Variants in SGCZ observed in about 807,000 individuals in gnomAD.
The protein encoded by SGCZ is sarcoglycan zeta.
Under a neutral mutation model 41.3 loss-of-function variants are expected in SGCZ, and 40 were observed. That is an observed-to-expected ratio of 0.97 (90% CI 0.75 to 1.26). SGCZ has a LOEUF of 1.26. Ranked by LOEUF, SGCZ falls within the 50% of genes most tolerant of loss-of-function variation. SGCZ has a pLI of 0.00. For missense variants in SGCZ, 552 were observed against 369.8 expected (o/e 1.49, Z -4.04); for synonymous variants, 206 against 137.5 (o/e 1.50, Z -3.49).
chr8:14,680,038 G>A (rs1312823872), intron 1 of SGCZ, among the ~76,000 whole-genome samples: 3 of 152,024 alleles, frequency 2.0e-5, no homozygotes, highest in East Asian at 1.9e-4. Context: ...CTAGGTTTAA[G>A]TATTTTCCAT....
intron 2 of SGCZ, among the ~76,000 whole-genome samples, chr8:14,413,783 A>G (rs999903635): frequency 6.6e-6 from 1 of 152,006 alleles, no homozygotes; most frequent in African/African-American, 2.4e-5. Flanking sequence ...TCTAACGAAG[A>G]GTCTGTTTTA....
chr8:14,889,919 T>C (rs1804948432), intron 1 of SGCZ, among the ~76,000 whole-genome samples: 1 of 152,040 alleles, frequency 6.6e-6, no homozygotes, highest in South Asian at 2.1e-4. Context: ...CTAGAAATGA[T>C]TAAGCCTTAT....
At chr8:14,494,944 A>C (rs1801948030) in intron 2 of SGCZ, among the ~76,000 whole-genome samples, 1 of 152,302 alleles carries the variant, frequency 6.6e-6, no homozygotes, top group Middle Eastern at 3.4e-3. Flanking sequence ...GTTCCTTGTC[A>C]CTTTTTCCCA....
intron 5 of SGCZ, among the ~76,000 whole-genome samples, chr8:14,134,708 C>T (rs994795086): frequency 9.9e-5 from 15 of 152,098 alleles, no homozygotes; most frequent in African/African-American, 3.6e-4. Context: ...CTCAGCCTAT[C>T]TGTATAGGCT....
intron 4 of SGCZ, among the ~76,000 whole-genome samples, chr8:14,215,699 T>C (rs1805970354): frequency 6.6e-6 from 1 of 152,148 alleles, no homozygotes; most frequent in Non-Finnish European, 1.5e-5. Context: ...TAATAAGATA[T>C]CATAAATAAG....
intron 1 of SGCZ, among the ~76,000 whole-genome samples, chr8:14,823,457 A>G (rs1213714612): frequency 6.6e-6 from 1 of 152,226 alleles, no homozygotes; most frequent in African/African-American, 2.4e-5. Context: ...TACATAAGAA[A>G]GGCCAACAGA....
At chr8:14,616,397 C>G (rs1806107478) in intron 1 of SGCZ, among the ~76,000 whole-genome samples, 1 of 152,016 alleles carries the variant, frequency 6.6e-6, no homozygotes, top group South Asian at 2.1e-4. Context: ...CTTTGGTTCT[C>G]TAAAGCTTAA....
At chr8:14,586,211 G>C (rs528778723) in intron 1 of SGCZ, among the ~76,000 whole-genome samples, 1 of 151,976 alleles carries the variant, frequency 6.6e-6, no homozygotes, top group South Asian at 2.1e-4. Flanking sequence ...TTGGGTTTTT[G>C]TTTGTTTTGT....
At chr8:14,275,514 C>T (rs1800199123) in intron 3 of SGCZ, among the ~76,000 whole-genome samples, 1 of 152,116 alleles carries the variant, frequency 6.6e-6, no homozygotes. Flanking sequence ...TTTGATCACT[C>T]AGCACTTCTA....
At chr8:14,958,861 A>C (rs1165472240) in intron 1 of SGCZ, among the ~76,000 whole-genome samples, 1 of 152,168 alleles carries the variant, frequency 6.6e-6, no homozygotes, top group African/African-American at 2.4e-5. Context: ...AGACATAAAT[A>C]GGCAGATATT....
At chr8:14,208,376 G>T (rs1805686229) in intron 4 of SGCZ, among the ~76,000 whole-genome samples, 1 of 152,170 alleles carries the variant, frequency 6.6e-6, no homozygotes, top group Non-Finnish European at 1.5e-5. Flanking sequence ...AGTAATTTTG[G>T]ATTCTGTGTC....
chr8:14,766,423 C>T (rs1034348766), intron 1 of SGCZ, among the ~76,000 whole-genome samples: 3 of 151,916 alleles, frequency 2.0e-5, no homozygotes, highest in Non-Finnish European at 2.9e-5. Flanking sequence ...AAATGATGAA[C>T]GTCTTAAAGA....
chr8:15,055,885 T>C (rs1487732385), intron 1 of SGCZ, among the ~76,000 whole-genome samples: 2 of 152,192 alleles, frequency 1.3e-5, no homozygotes, highest in African/African-American at 4.8e-5. Context: ...GAAAGTCCAG[T>C]TCCCCTGTGA....
rs567434946 is a variant in SGCZ at position 14,722,250 on chromosome 8, T to A, written c.40-167324A>T. Among the ~76,000 whole-genome samples the A allele has an allele frequency of 3.3e-5, 5 of 152,292 alleles. No homozygotes were observed. In the South Asian group the frequency reaches 1.0e-3, roughly 32 times the overall value. ...GTTTATTTAGTTAACCAATATTAAA[T>A]CTAGCATCTATAACATAATTTGCTA... On this transcript the variant is annotated intron_variant, in intron 1 of 7. Coordinates refer to ENST00000382080, the MANE Select transcript of SGCZ (RefSeq NM_139167.4).
intron 3 of SGCZ, among the ~76,000 whole-genome samples, chr8:14,307,329 T>A (rs1718457087): frequency 6.6e-6 from 1 of 152,152 alleles, no homozygotes; most frequent in Non-Finnish European, 1.5e-5. Flanking sequence ...ACAGTTCAGC[T>A]ACACAAAGTA....
At chr8:14,609,678 C>T (rs1805864139) in intron 1 of SGCZ, among the ~76,000 whole-genome samples, 1 of 152,122 alleles carries the variant, frequency 6.6e-6, no homozygotes, top group African/African-American at 2.4e-5. Context: ...GAAGGAGATG[C>T]CAGGCTCCAG....
At chr8:14,986,115 ATAT>A (rs1269552922) in intron 1 of SGCZ, among the ~76,000 whole-genome samples, 1 of 152,098 alleles carries the variant, frequency 6.6e-6, no homozygotes, top group Non-Finnish European at 1.5e-5. Flanking sequence ...TTTAAGTTTG[ATAT>A]TATGCATTAC....
chr8:14,182,301 G>A (rs773414492), intron 4 of SGCZ, among the ~76,000 whole-genome samples: 26 of 152,136 alleles, frequency 1.7e-4, no homozygotes, highest in Non-Finnish European at 3.2e-4. Context: ...ATGCCCAGCC[G>A]AGCAGCAGGT....
At chr8:14,894,395 G>A (rs914821215) in intron 1 of SGCZ, among the ~76,000 whole-genome samples, 1 of 152,138 alleles carries the variant, frequency 6.6e-6, no homozygotes, top group South Asian at 2.1e-4. Flanking sequence ...GAATGTCAAT[G>A]GTGCAAAGTG....
Sources: gnomAD v4.1 joint callset for allele counts (sites outside exome capture counted in the v4.1 genomes callset) on GRCh38, gnomAD v4.1.1 for gene constraint, MANE v1.5 for transcripts, NCBI Gene and HGNC (gene_info 2026-07-23, HGNC 2026-07-21) for gene names.